MTA3: variants seen among roughly 807,000 people sequenced by gnomAD.
MTA3 encodes metastasis-associated protein MTA3.
Under a neutral mutation model 83.5 loss-of-function variants are expected in MTA3, and 34 were observed. That is an observed-to-expected ratio of 0.41 (90% CI 0.31 to 0.54). The LOEUF (loss-of-function observed/expected upper bound fraction) is 0.54. MTA3 is among the 20% of genes least tolerant of loss of function. MTA3 has a pLI of 0.33. For synonymous variants in MTA3, 303 were observed against 252.7 expected, an observed-to-expected ratio of 1.20 and a Z score of -1.89; for missense variants, 761 against 726.4, an observed-to-expected ratio of 1.05 and a Z score of -0.55.
chr2:42,606,550 C>A (rs1380940194), intron 3 of MTA3, among the ~76,000 whole-genome samples: 1 of 147,704 alleles, frequency 6.8e-6, no homozygotes, highest in African/African-American at 2.5e-5. Flanking sequence ...CTCCTCACTT[C>A]CTAGATGGGA....
intron 3 of MTA3, among the ~76,000 whole-genome samples, chr2:42,598,180 C>G (rs1236064248): frequency 1.3e-5 from 2 of 152,020 alleles, no homozygotes; most frequent in Non-Finnish European, 2.9e-5. Flanking sequence ...TCAAGTGATT[C>G]TCCTGCCTCA....
intron 16 of MTA3, among the ~76,000 whole-genome samples, chr2:42,752,956 G>C (rs1573862194): frequency 1.4e-5 from 2 of 147,186 alleles, no homozygotes; most frequent in African/African-American, 2.5e-5. Flanking sequence ...ACAGGGTCTT[G>C]CTCTGTCGCC....
chr2:42,524,034 T>C (rs907608227), intron 2 of MTA3, among the ~76,000 whole-genome samples: 2 of 152,144 alleles, frequency 1.3e-5, no homozygotes, highest in Non-Finnish European at 2.9e-5. Context: ...ACAACTAATA[T>C]GATTGCCTCT....
Position 42,644,189 on chromosome 2 carries a change from T to G in MTA3, c.444T>G (p.Gly148=), listed in dbSNP as rs531957791. 1.2e-6 allele frequency: 2 copies of G among 1,613,226 alleles called. 1 individual carries two copies. The highest frequency in any genetic ancestry group is 3.3e-5 in the Admixed American group (2 of 59,888). Residue 148 remains glycine, a synonymous_variant, in exon 6 of 17, where the codon GGT becomes GGG. Coordinates refer to ENST00000405094, the MANE Select transcript of MTA3 (RefSeq NM_001330442.2). ...TGAAAACACTATTAGCTGACAAAGGTGAAATCAGAGTGGGACCTAGATATC... is the reference window on the plus strand; with the variant it reads ...TGAAAACACTATTAGCTGACAAAGGGGAAATCAGAGTGGGACCTAGATATC... ...PSLKTLLADK[G]EIRVGPRYQA...
At chr2:42,712,477 G>A (rs1348905933) in intron 14 of MTA3, among the ~76,000 whole-genome samples, 1 of 151,750 alleles carries the variant, frequency 6.6e-6, no homozygotes, top group Non-Finnish European at 1.5e-5. Context: ...TTTAGAGATG[G>A]GGCCTCACTA....
intron 16 of MTA3, among the ~76,000 whole-genome samples, chr2:42,733,429 A>T (rs1668381613): frequency 6.6e-6 from 1 of 152,208 alleles, no homozygotes; most frequent in Non-Finnish European, 1.5e-5. Flanking sequence ...AACATGTGGG[A>T]ATTCCGGGAG....
Position 42,570,462 on chromosome 2 carries a change from C to A in MTA3, c.54C>A (p.Ser18=). 1 of 1,546,412 alleles carries A rather than the reference C, an allele frequency of 6.5e-7. No homozygotes were observed. Among genetic ancestry groups the A allele is most frequent in the Non-Finnish European group, 8.8e-7 (1 of 1,137,994 alleles). ...ATTATGTCTACTTTGAGAATTCCTCCAGCAACCCATACCTAATAAGAAGGA... is the reference window on the plus strand; with the variant it reads ...ATTATGTCTACTTTGAGAATTCCTCAAGCAACCCATACCTAATAAGAAGGA... The part of the protein sequence containing the change: ...VGDYVYFENS[S]SNPYLIRRIE... Residue 18 remains serine (S), a synonymous_variant, in exon 2 of 17, where the codon TCC becomes TCA. Coordinates refer to ENST00000405094, the MANE Select transcript of MTA3 (RefSeq NM_001330442.2).
At chr2:42,580,365 A>G (rs1679483706) in intron 3 of MTA3, among the ~76,000 whole-genome samples, 1 of 150,736 alleles carries the variant, frequency 6.6e-6, no homozygotes. Flanking sequence ...AATTTTATTT[A>G]TTTATTTATT....
intron 2 of MTA3, among the ~76,000 whole-genome samples, chr2:42,548,446 G>T (rs1676861845): frequency 6.6e-6 from 1 of 151,546 alleles, no homozygotes; most frequent in Non-Finnish European, 1.5e-5. Flanking sequence ...AGCCTGGGCA[G>T]CAAAGCAAGA....
chr2:42,682,708 C>G (rs1488376964), intron 9 of MTA3, 119 bp downstream of exon 9: 1 of 892,126 alleles, frequency 1.1e-6, no homozygotes, highest in Non-Finnish European at 1.7e-6. Context: ...TTTATCTGCT[C>G]AAAGTAAAAT....
At position 42,706,357 on chromosome 2, in the gene MTA3, A is replaced by C. The variant is rs1666077985; in HGVS notation, c.1151-1546A>C. 4.6e-5 allele frequency among the ~76,000 whole-genome samples: 7 copies of C among 152,354 alleles called. No individual in the cohort carries two copies. The South Asian group carries it at 1.4e-3, about 32-fold the overall frequency. On this transcript the variant is annotated intron_variant, in intron 12 of 16. Coordinates refer to ENST00000405094, the MANE Select transcript of MTA3 (RefSeq NM_001330442.2). The stretch of plus-strand genomic sequence containing the variant: ...AGGCTTTTAGGCTTTCATTTGTATA[A>C]AATAGTTATTTGTATAAATGAAAGC...
intron 2 of MTA3, among the ~76,000 whole-genome samples, chr2:42,538,211 C>A (rs533029527): frequency 6.6e-6 from 1 of 151,692 alleles, no homozygotes; most frequent in Non-Finnish European, 1.5e-5. Flanking sequence ...CCAGCCTGGG[C>A]GACACAGCGA....
intron 4 of MTA3, among the ~76,000 whole-genome samples, chr2:42,627,858 A>T (rs527815475): frequency 6.7e-6 from 1 of 148,626 alleles, no homozygotes; most frequent in African/African-American, 2.5e-5. Context: ...GATTACAGGC[A>T]TGAGCCACCA....
intron 2 of MTA3, among the ~76,000 whole-genome samples, chr2:42,577,217 G>C (rs1256670970): frequency 6.7e-6 from 1 of 150,192 alleles, no homozygotes; most frequent in Non-Finnish European, 1.5e-5. Context: ...GTTGCAGACT[G>C]GCACTGGGCT....
At chr2:42,655,949 C>G (rs369226910) in intron 6 of MTA3, among the ~76,000 whole-genome samples, 35 of 152,228 alleles carry the variant, frequency 2.3e-4, no homozygotes, top group African/African-American at 8.4e-4. Context: ...CTTACTGCCT[C>G]TCACATACAG....
chr2:42,723,028 T>C lies in MTA3; in HGVS notation c.1752T>C (p.Gly584=), dbSNP rs1233074094. ...AAAGAAACTACAGTCATCACAATGG[T>C]CTGGATGGTATGTAAGCCCAGGAAT... ...LGKRNYSHHN[G]LDELTCCVSD The change falls in exon 16 of 17, where the codon GGT becomes GGC. Residue 584 remains glycine (G), a synonymous_variant. Transcript: ENST00000405094. 1.3e-6 allele frequency: 2 copies of C among 1,550,620 alleles called. No individual in the cohort carries two copies. Among genetic ancestry groups the C allele is most frequent in the African/African-American group, 1.4e-5 (1 of 73,064 alleles).
intron 5 of MTA3, among the ~76,000 whole-genome samples, chr2:42,643,631 A>G (rs1230427885): frequency 6.6e-6 from 1 of 152,230 alleles, no homozygotes; most frequent in Non-Finnish European, 1.5e-5. Flanking sequence ...ACAGTAAACC[A>G]CATGTAAGTT....
rs1316945871 is a variant in MTA3 at position 42,683,568 on chromosome 2, A to G, written c.891+979A>G. ...ATATATAATAATTATACGACTCACC[A>G]TAATGGAGAATCAGTGAGACCTCTG... On this transcript the variant is annotated intron_variant, in intron 9 of 16. Transcript: ENST00000405094. 3.9e-5 allele frequency among the ~76,000 whole-genome samples: 6 copies of G among 152,202 alleles called. 2 individuals are homozygous for G. Among genetic ancestry groups the G allele is most frequent in the Admixed American group, 3.9e-4 (6 of 15,284 alleles).
intron 12 of MTA3, 71 bp from the exon 13 acceptor site, chr2:42,707,832 T>C: frequency 7.3e-7 from 1 of 1,376,100 alleles, no homozygotes; most frequent in Non-Finnish European, 9.7e-7. Flanking sequence ...TTTAAAATGT[T>C]TGATTATTTT....
Sources: allele counts gnomAD v4.1 joint callset (sites outside exome capture counted in the v4.1 genomes callset), GRCh38; gene constraint gnomAD v4.1.1; transcripts MANE v1.5; gene names NCBI Gene and HGNC (gene_info 2026-07-23, HGNC 2026-07-21).